Variants in NUP93 observed in about 807,000 individuals in gnomAD.
NUP93 encodes the protein nucleoporin 93.
In NUP93, 55 loss-of-function variants were observed where a neutral mutation model predicts 107.8. That is an observed-to-expected ratio of 0.51 (90% CI 0.41 to 0.64). The LOEUF (loss-of-function observed/expected upper bound fraction) is 0.64, where lower values mean the gene tolerates loss of function less well. Ranked by LOEUF, NUP93 falls within the 30% of genes least tolerant of loss-of-function variation. The pLI, the probability that NUP93 is intolerant of heterozygous loss-of-function variation, is 0.00. For missense variants in NUP93, 937 were observed against 1,044.7 expected, an observed-to-expected ratio of 0.90 and a Z score of 1.42; for synonymous variants, 390 against 397.5, an observed-to-expected ratio of 0.98 and a Z score of 0.22.
intron 3 of NUP93, among the ~76,000 whole-genome samples, chr16:56,776,158 T>C (rs1596790321): frequency 6.6e-6 from 1 of 152,252 alleles, no homozygotes; most frequent in Non-Finnish European, 1.5e-5. Flanking sequence ...ATAGAAAACT[T>C]TGAGAAAGCT....
chr16:56,765,739 T>C (rs1204918379), intron 3 of NUP93, among the ~76,000 whole-genome samples: 2 of 152,096 alleles, frequency 1.3e-5, no homozygotes, highest in Non-Finnish European at 1.5e-5. Context: ...CCAGTATAAA[T>C]CTTAGAGCTG....
intron 1 of NUP93, among the ~76,000 whole-genome samples, chr16:56,731,214 A>G (rs1961529359): frequency 6.6e-6 from 1 of 152,038 alleles, no homozygotes; most frequent in Non-Finnish European, 1.5e-5. Flanking sequence ...CCCACTTAAT[A>G]TCTCCACTGA....
intron 3 of NUP93, among the ~76,000 whole-genome samples, chr16:56,770,846 G>A (rs1962307051): frequency 6.6e-6 from 1 of 151,850 alleles, no homozygotes; most frequent in African/African-American, 2.4e-5. Flanking sequence ...GGTGGATCAC[G>A]AGGTGAGGAG....
At chr16:56,804,398 C>G (rs1181933067) in intron 4 of NUP93, among the ~76,000 whole-genome samples, 1 of 152,166 alleles carries the variant, frequency 6.6e-6, no homozygotes, top group Non-Finnish European at 1.5e-5. Context: ...GAAATTCTGA[C>G]ACTTGCTACA....
intron 21 of NUP93, among the ~76,000 whole-genome samples, chr16:56,843,588 A>G (rs539810591): frequency 1.3e-5 from 2 of 152,226 alleles, no homozygotes; most frequent in Non-Finnish European, 2.9e-5. Flanking sequence ...GAATCCTTTT[A>G]CTTGAACATC....
At chr16:56,842,481 C>G in intron 21 of NUP93, 1 of 403,122 alleles carries the variant, frequency 2.5e-6, no homozygotes, top group Non-Finnish European at 4.8e-6. Context: ...CATATGTTGT[C>G]TGATTACAAA....
intron 3 of NUP93, among the ~76,000 whole-genome samples, chr16:56,768,792 A>G (rs1181593511): frequency 2.0e-5 from 3 of 150,422 alleles, no homozygotes; most frequent in Admixed American, 6.6e-5. Context: ...GTGTGAACCC[A>G]GGAGGTAGAG....
chr16:56,836,085 C>T (rs1396793266), intron 16 of NUP93, among the ~76,000 whole-genome samples: 6 of 150,302 alleles, frequency 4.0e-5, no homozygotes, highest in South Asian at 2.1e-4. Flanking sequence ...GCCGAGATTG[C>T]GCCACTGCAC....
chr16:56,816,791 G>A (rs1358374043), intron 5 of NUP93, among the ~76,000 whole-genome samples: 5 of 152,154 alleles, frequency 3.3e-5, no homozygotes, highest in African/African-American at 4.8e-5. Flanking sequence ...TTGCGGTCTA[G>A]TTGATATCAC....
Position 56,748,374 on chromosome 16 carries a change from C to T in NUP93, c.127C>T (p.Leu43=), listed in dbSNP as rs1458740861. Residue 43 remains leucine, a synonymous_variant, in exon 2 of 22, where the codon CTG becomes TTG. Transcript: ENST00000308159. ...GGAGATCCAGCAGGCGGGAGAGCGC[C>T]TGCGTTCCCGTACCCTAACACGCAC... ...LQEIQQAGER[L]RSRTLTRTSQ... The T allele has an allele frequency of 6.2e-7, 1 of 1,613,894 alleles. No individual in the cohort carries two copies. Among genetic ancestry groups the T allele is most frequent in the African/African-American group, 1.3e-5 (1 of 74,906 alleles).
chr16:56,810,192 A>G (rs1963283075), intron 5 of NUP93, among the ~76,000 whole-genome samples: 1 of 152,176 alleles, frequency 6.6e-6, no homozygotes, highest in African/African-American at 2.4e-5. Flanking sequence ...GTAGTTTGTA[A>G]ATGTTGGCAA....
chr16:56,797,974 G>A (rs1275995923), intron 3 of NUP93, among the ~76,000 whole-genome samples: 1 of 152,326 alleles, frequency 6.6e-6, no homozygotes, highest in Non-Finnish European at 1.5e-5. Flanking sequence ...ATGGCAAAAC[G>A]CTGGAAGAAA....
chr16:56,798,279 A>G (rs1962943080), intron 3 of NUP93, among the ~76,000 whole-genome samples, 197 bp from the exon 4 acceptor site: 1 of 152,228 alleles, frequency 6.6e-6, no homozygotes, highest in African/African-American at 2.4e-5. Flanking sequence ...CTTTCTAACA[A>G]TCATCATGTG....
At chr16:56,816,384 C>T (rs527243174) in intron 5 of NUP93, among the ~76,000 whole-genome samples, 41 of 152,298 alleles carry the variant, frequency 2.7e-4, no homozygotes, top group African/African-American at 9.6e-4. Flanking sequence ...TTCTCACCTA[C>T]CAAGATGTCT....
chr16:56,827,043 T>TCAAAAAAA (rs1963677678), intron 8 of NUP93, among the ~76,000 whole-genome samples: 1 of 7,780 alleles, frequency 1.3e-4, no homozygotes, highest in Non-Finnish European at 2.4e-4. Flanking sequence ...AGACTCCGTC[T>TCAAAAAAA]CAAAAAAAAA....
intron 6 of NUP93, among the ~76,000 whole-genome samples, chr16:56,819,025 A>G (rs1963491707): frequency 6.6e-6 from 1 of 152,214 alleles, no homozygotes; most frequent in Admixed American, 6.5e-5. Flanking sequence ...GCTTCAGGTA[A>G]CTGCGCTGCT....
At chr16:56,808,854 A>G (rs1457510115) in intron 5 of NUP93, among the ~76,000 whole-genome samples, 2 of 148,320 alleles carry the variant, frequency 1.3e-5, no homozygotes, top group Non-Finnish European at 3.0e-5. Flanking sequence ...ACACATATAT[A>G]TATGCAGTGT....
rs761156791 is a variant in NUP93 at position 56,818,697 on chromosome 16, C to T, written c.523C>T (p.Arg175Ter). The change falls in exon 6 of 22, where the codon CGA becomes TGA. Residue 175 changes from arginine to a stop codon, truncating the protein, a stop_gained. Coordinates refer to ENST00000308159, the MANE Select transcript of NUP93 (RefSeq NM_014669.5). LOFTEE classifies it high-confidence loss of function. ...SYISDVGPPG[R>*]SSLDNIEMAY... ...CATCAGTGATGTGGGACCCCCTGGT[C>T]GAAGCTCTCTGGATAACATCGAGAT... The T allele has an allele frequency of 3.7e-6, 6 of 1,614,056 alleles. No homozygotes were observed. Among genetic ancestry groups the T allele is most frequent in the South Asian group, 1.1e-5 (1 of 91,078 alleles).
In NUP93 at chr16:56,758,645, C is replaced by T. The variant is rs1487797109; in HGVS notation, c.287C>T (p.Thr96Ile). 1.9e-6 allele frequency: 3 copies of T among 1,612,946 alleles called. No homozygotes were observed. The Admixed American group carries it at 5.0e-5, about 27-fold the overall frequency. Residue 96 changes from threonine (T) to isoleucine (I), a missense_variant, in exon 3 of 22, where the codon ACT becomes ATT. Transcript: ENST00000308159. The stretch of plus-strand genomic sequence containing the variant: ...GAGCCTCTTGAGCCTGTGAAGGACA[C>T]TGACATTCAGGTAAGGGCTGCCAAG... ...TFEPLEPVKD[T>I]DIQGFLKNEK...
Sources: allele counts gnomAD v4.1 joint callset (sites outside exome capture counted in the v4.1 genomes callset), GRCh38; gene constraint gnomAD v4.1.1; transcripts MANE v1.5; gene names NCBI Gene and HGNC (gene_info 2026-07-23, HGNC 2026-07-21).